Variants in NOS2 observed in about 807,000 individuals in gnomAD.
NOS2 encodes the protein nitric oxide synthase, inducible.
NOS2 carries 96 observed loss-of-function variants against 136.0 expected under a neutral mutation model. That is an observed-to-expected ratio of 0.71 (90% confidence interval 0.60 to 0.84). The LOEUF is 0.84. Ranked by LOEUF, NOS2 falls within the 40% of genes least tolerant of loss-of-function variation. The pLI is 0.00. For missense variants in NOS2, 1,237 were observed against 1,496.9 expected, an observed-to-expected ratio of 0.83 and a Z score of 2.87; for synonymous variants, 539 against 587.5, an observed-to-expected ratio of 0.92 and a Z score of 1.20.
rs781078956 is a variant in NOS2, at chr17:27,787,832, A to AAG, written c.319-8_319-7dup. Reference sequence around the variant, plus strand: ...TTGGACCTGCAAGTTAAAATCTGGAAAGAGAGAGGCAGGTGGTGAGGGTGG... The same window carrying AAG: ...TTGGACCTGCAAGTTAAAATCTGGAAAGAGAGAGAGGCAGGTGGTGAGGGTGG... On this transcript the variant is annotated splice_region_variant and splice_polypyrimidine_tract_variant and intron_variant, in intron 4 of 26. Transcript: ENST00000313735. 23 of 1,607,334 alleles carry AAG rather than the reference A, an allele frequency of 1.4e-5. No individual in the cohort carries two copies. The highest frequency in any genetic ancestry group is 2.0e-5 in the Non-Finnish European group (23 of 1,176,830).
chr17:27,781,977 G>C (rs758721565), intron 7 of NOS2, 38 bp downstream of exon 7: 14 of 1,579,164 alleles, frequency 8.9e-6, no homozygotes, highest in Non-Finnish European at 9.6e-6. Context: ...TCTCAGGCAA[G>C]GCAAGCCCCT....
chr17:27,792,121 T>C (rs1909212256), intron 2 of NOS2, among the ~76,000 whole-genome samples: 1 of 152,240 alleles, frequency 6.6e-6, no homozygotes, highest in Non-Finnish European at 1.5e-5. Context: ...TATTAAAAAG[T>C]ATCACTTTTA....
At chr17:27,797,996 A>G (rs1397914158) in intron 2 of NOS2, among the ~76,000 whole-genome samples, 1 of 152,050 alleles carries the variant, frequency 6.6e-6, no homozygotes, top group Non-Finnish European at 1.5e-5. Flanking sequence ...TTGAGATGCA[A>G]AGTCTGTCAA....
chr17:27,785,484 T>C (rs934478213), intron 5 of NOS2, among the ~76,000 whole-genome samples: 93 of 152,122 alleles, frequency 6.1e-4, no homozygotes, highest in Admixed American at 1.6e-3. Flanking sequence ...CATGTCTGCC[T>C]CATCCCCATC....
intron 26 of NOS2, among the ~76,000 whole-genome samples, chr17:27,757,960 C>T (rs8080418): frequency 0.32 from 48,315 of 151,880 alleles, 7,994 homozygotes; most frequent in South Asian, 0.4. Context: ...CTCCTCCTCA[C>T]CATCTCAGGT....
intron 21 of NOS2, 127 bp from the exon 22 acceptor site, chr17:27,763,132 C>G (rs1231804688): frequency 3.0e-6 from 2 of 676,974 alleles, no homozygotes; most frequent in Non-Finnish European, 5.0e-6. Flanking sequence ...CAGGCACTGT[C>G]CATGGTGCTG....
chr17:27,772,578 G>A (rs1908532175), intron 13 of NOS2, 126 bp from the exon 14 acceptor site: 14 of 1,055,330 alleles, frequency 1.3e-5, no homozygotes, highest in Admixed American at 6.7e-5. Flanking sequence ...AGCAAGCTAC[G>A]TTTCTCACCA....
intron 3 of NOS2, 97 bp downstream of exon 3, chr17:27,789,507 T>C: frequency 1.1e-6 from 1 of 950,086 alleles, no homozygotes. Context: ...AAACCCTGGC[T>C]TCCTGCCCTC....
Position 27,782,947 on chromosome 17 carries a change from C to T in NOS2, c.627G>A (p.Leu209=), listed in dbSNP as rs776462988. Reference sequence around the variant, plus strand: ...GCTCAAGTCTAAGGAAGTTCACCTGCAGGTTGGACCACTGGATCCTCCCAA... The same window carrying T: ...GCTCAAGTCTAAGGAAGTTCACCTGTAGGTTGGACCACTGGATCCTCCCAA... ...RCIGRIQWSN[L]QVFDARSCST... is the part of the protein sequence containing the mutation. Residue 209 remains leucine, a synonymous_variant, in exon 6 of 27, where the codon CTG becomes CTA. Coordinates refer to ENST00000313735, the MANE Select transcript of NOS2 (RefSeq NM_000625.4). The T allele has an allele frequency of 1.2e-6, 2 of 1,614,030 alleles. No individual in the cohort carries two copies. The highest frequency in any genetic ancestry group is 2.2e-5 in the East Asian group (1 of 44,880).
chr17:27,770,833 C>T, intron 15 of NOS2, 80 bp downstream of exon 15: 3 of 1,021,640 alleles, frequency 2.9e-6, no homozygotes, highest in Non-Finnish European at 4.5e-6. Context: ...TCCGTAGGAC[C>T]TGCCGCATCC....
chr17:27,798,785 A>G lies in NOS2; in HGVS notation c.25T>C (p.Phe9Leu), dbSNP rs773049316. 3 of 1,613,490 alleles carry G rather than the reference A, an allele frequency of 1.9e-6. No individual in the cohort carries two copies. Among genetic ancestry groups the G allele is most frequent in the Non-Finnish European group, 2.5e-6 (3 of 1,179,418 alleles). The change falls in exon 2 of 27, where the codon TTC becomes CTC. Residue 9 changes from phenylalanine to leucine, a missense_variant. Transcript: ENST00000313735. MACPWKFL[F>L]KTKFHQYAMN... ...GCATACTGGTGGAATTTGGTCTTGA[A>G]CAGAAATTTCCAAGGACAGGCCATC...
At chr17:27,759,898 G>A in intron 25 of NOS2, 132 bp downstream of exon 25, 3 of 828,872 alleles carry the variant, frequency 3.6e-6, no homozygotes, top group Non-Finnish European at 5.4e-6. Flanking sequence ...GCATCACTCT[G>A]ATGGTTGTGA....
intron 5 of NOS2, among the ~76,000 whole-genome samples, chr17:27,786,698 C>T (rs1909034823): frequency 6.6e-6 from 1 of 152,142 alleles, no homozygotes; most frequent in African/African-American, 2.4e-5. Context: ...AACTACCCTC[C>T]TCCTGCAAGG....
At chr17:27,792,315 A>G (rs1909217680) in intron 2 of NOS2, among the ~76,000 whole-genome samples, 1 of 152,202 alleles carries the variant, frequency 6.6e-6, no homozygotes, top group African/African-American at 2.4e-5. Context: ...CCTCGAGGGA[A>G]TGTTAGTAAA....
At chr17:27,782,784 C>T (rs1446474967) in intron 6 of NOS2, among the ~76,000 whole-genome samples, 160 bp downstream of exon 6, 4 of 152,182 alleles carry the variant, frequency 2.6e-5, no homozygotes, top group Non-Finnish European at 5.9e-5. Context: ...GAGAGGGACC[C>T]TAGGTGCCCC....
intron 18 of NOS2, 104 bp downstream of exon 18, chr17:27,767,601 G>C (rs1908346482): frequency 7.3e-7 from 1 of 1,377,936 alleles, no homozygotes; most frequent in Non-Finnish European, 9.7e-7. Flanking sequence ...AGGCCCCGAG[G>C]CCAGCTGTCT....
chr17:27,780,647 G>C, intron 9 of NOS2, 120 bp downstream of exon 9: 1 of 1,305,574 alleles, frequency 7.7e-7, no homozygotes, highest in Non-Finnish European at 1.1e-6. Flanking sequence ...AGCCCCCTGA[G>C]TGTCACCTGC....
intron 18 of NOS2, among the ~76,000 whole-genome samples, chr17:27,767,297 T>C (rs1423810771): frequency 9.2e-5 from 14 of 152,246 alleles, no homozygotes; most frequent in Non-Finnish European, 2.9e-5. Context: ...GACACTTGGC[T>C]GCCTTCGCAG....
intron 2 of NOS2, among the ~76,000 whole-genome samples, chr17:27,798,433 C>A (rs1451773857): frequency 6.6e-6 from 1 of 151,984 alleles, no homozygotes; most frequent in Admixed American, 6.6e-5. Context: ...GGCCAAGCTC[C>A]TTCCCATATT....
Sources: allele counts gnomAD v4.1 joint callset (sites outside exome capture counted in the v4.1 genomes callset), GRCh38; gene constraint gnomAD v4.1.1; transcripts MANE v1.5; gene names NCBI Gene and HGNC (gene_info 2026-07-23, HGNC 2026-07-21).